Variants in DCBLD1 observed in about 807,000 individuals in gnomAD.
DCBLD1 encodes discoidin, CUB and LCCL domain containing 1, also known as discoidin, CUB and LCCL domain-containing protein 1.
A neutral mutation model predicts 71.5 loss-of-function variants in DCBLD1; 57 were observed. The ratio of observed to expected loss-of-function variants is 0.80; its 90% CI spans 0.64 to 0.99. The LOEUF is 0.99. DCBLD1 is among the 50% of genes least tolerant of loss of function. The probability of loss-of-function intolerance (pLI) is 0.00; values close to 1 mark genes in which losing one functional copy is unlikely to be tolerated. For missense variants in DCBLD1, 891 were observed against 923.5 expected (o/e 0.96, Z 0.46); for synonymous variants, 380 against 363.8 (o/e 1.04, Z -0.51).
Position 117,537,224 on chromosome 6 carries a change from T to A in DCBLD1, c.759T>A (p.Asn253Lys), listed in dbSNP as rs1307004933. Residue 253 changes from asparagine (N) to lysine (K), a missense_variant and splice_region_variant, in exon 7 of 15, where the codon AAT (asparagine) becomes AAA (lysine). Physicochemically the swap from Asn to Lys is moderately conservative, Grantham distance 94 (BLOSUM62 0). Transcript: ENST00000338728. ...LSDKRFLFTS[N>K]GCSRSLSFEP... The stretch of plus-strand genomic sequence containing the variant: ...ACAAGCGATTTCTGTTTACCTCCAA[T>A]GGTAAGGATCATGCTTTCCTTAAGA... 2 of 1,613,762 alleles carry A rather than the reference T, an allele frequency of 1.2e-6. No individual in the cohort carries two copies. Among genetic ancestry groups the A allele is most frequent in the Non-Finnish European group, 1.7e-6 (2 of 1,179,810 alleles).
chr6:117,500,429 A>G lies in DCBLD1; in HGVS notation c.113-3338A>G, dbSNP rs570914989. Among the ~76,000 whole-genome samples, 10 of 152,356 alleles carry G rather than the reference A, an allele frequency of 6.6e-5. No homozygotes were observed. The East Asian group carries it at 1.9e-3, about 29-fold the overall frequency. ...AAGAGAGAAATTTTCCCAAGGAGGT[A>G]GAGATCCCCAGGCAAAGTAACGATG... On this transcript the variant is annotated intron_variant, in intron 1 of 14. Transcript: ENST00000338728.
chr6:117,537,402 G>T lies in DCBLD1; in HGVS notation c.760+177G>T, dbSNP rs529061959. 2.4e-4 allele frequency among the ~76,000 whole-genome samples: 36 copies of T among 151,820 alleles called. No homozygotes were observed. The highest frequency in any genetic ancestry group is 7.8e-4 in the East Asian group (4 of 5,160). ...ACAAAAAATTAGCCGGGCCTGGTGG[G>T]GGGCGCCTGTAGTCCCAGCTTCTCG... On this transcript the variant is annotated intron_variant, in intron 7 of 14. Transcript: ENST00000338728.
intron 14 of DCBLD1, 181 bp from the exon 15 acceptor site, chr6:117,547,726 G>T (rs1264076471): frequency 7.5e-7 from 1 of 1,332,086 alleles, no homozygotes; most frequent in Non-Finnish European, 1.1e-6. Flanking sequence ...GTGCGGTTGT[G>T]TACTGCCTGC....
chr6:117,518,714 G>C (rs1562445721), intron 2 of DCBLD1, among the ~76,000 whole-genome samples: 1 of 152,066 alleles, frequency 6.6e-6, no homozygotes, highest in Non-Finnish European at 1.5e-5. Context: ...AAAACCATCA[G>C]ATCTCATGAG....
chr6:117,533,574 T>C (rs1188844762), intron 6 of DCBLD1, among the ~76,000 whole-genome samples: 1 of 152,234 alleles, frequency 6.6e-6, no homozygotes, highest in African/African-American at 2.4e-5. Flanking sequence ...ATAGGTATCC[T>C]GACCACAAGT....
Position 117,514,573 on chromosome 6 carries a change from CAGAG to C in DCBLD1, c.326-5241_326-5238del, listed in dbSNP as rs1406607797. On this transcript the variant is annotated intron_variant, in intron 2 of 14. Transcript: ENST00000338728. ...CGCCACTGCACTCCAACATGGGTGA[CAGAG>C]AAAGACCCTGTCTCAAAAAAAAAAA... 8.8e-4 allele frequency among the ~76,000 whole-genome samples: 125 copies of C among 141,774 alleles called. 1 individual carries two copies. Among genetic ancestry groups the C allele is most frequent in the African/African-American group, 3.2e-3 (121 of 37,616 alleles). 93.0% of individuals were successfully genotyped at this position (141,774 alleles called of 152,430 possible).
At chr6:117,498,303 G>A (rs2114401826) in intron 1 of DCBLD1, among the ~76,000 whole-genome samples, 1 of 152,310 alleles carries the variant, frequency 6.6e-6, no homozygotes, top group Admixed American at 6.5e-5. Flanking sequence ...CCATTACAGA[G>A]AGACCACCCT....
chr6:117,557,832 TGCTA>T (rs1317160535), intron 14 of DCBLD1, among the ~76,000 whole-genome samples: 5 of 152,232 alleles, frequency 3.3e-5, no homozygotes, highest in Non-Finnish European at 7.3e-5. Context: ...TGCCAGAATG[TGCTA>T]GCTAATTCTT....
At chr6:117,535,290 A>G (rs2114532889) in intron 6 of DCBLD1, among the ~76,000 whole-genome samples, 1 of 152,320 alleles carries the variant, frequency 6.6e-6, no homozygotes, top group South Asian at 2.1e-4. Context: ...GACCTCATAC[A>G]GAGGACGATG....
chr6:117,493,641 G>A (rs1326910122), intron 1 of DCBLD1, among the ~76,000 whole-genome samples: 1 of 152,114 alleles, frequency 6.6e-6, no homozygotes, highest in Non-Finnish European at 1.5e-5. Flanking sequence ...CTTAAATATC[G>A]CTACCTCAGT....
chr6:117,554,606 A>G (rs1779472667), downstream of DCBLD1, among the ~76,000 whole-genome samples: 1 of 152,200 alleles, frequency 6.6e-6, no homozygotes, highest in Non-Finnish European at 1.5e-5. Flanking sequence ...ATTAATATTC[A>G]TTTGTGGGCC....
At chr6:117,551,368 T>C (rs1311571196), downstream of DCBLD1, among the ~76,000 whole-genome samples, 276 of 10,284 alleles carry the variant, frequency 0.027, no homozygotes, top group Non-Finnish European at 0.035. Flanking sequence ...TATTTCCATT[T>C]ATTTATTTAT....
downstream of DCBLD1, among the ~76,000 whole-genome samples, chr6:117,551,131 A>AAAT (rs1466296215): frequency 2.6e-5 from 4 of 152,120 alleles, no homozygotes; most frequent in Admixed American, 2.6e-4. Flanking sequence ...TAGGGGCTTT[A>AAAT]AAGGTTTTTA....
intron 2 of DCBLD1, among the ~76,000 whole-genome samples, chr6:117,507,758 ATGTC>A (rs1474793198): frequency 2.6e-5 from 4 of 152,178 alleles, no homozygotes; most frequent in South Asian, 2.1e-4. Flanking sequence ...ATTTTACAGA[ATGTC>A]TGTCAGTTGA....
intron 3 of DCBLD1, 151 bp downstream of exon 3, chr6:117,520,101 A>G (rs1208203533): frequency 1.6e-6 from 2 of 1,275,952 alleles, no homozygotes; most frequent in Non-Finnish European, 2.1e-6. Flanking sequence ...GTAAATGGTT[A>G]GGTCTGAACT....
intron 5 of DCBLD1, among the ~76,000 whole-genome samples, chr6:117,531,229 C>T (rs529304444): frequency 1.6e-4 from 25 of 152,184 alleles, no homozygotes; most frequent in Non-Finnish European, 3.1e-4. Context: ...ATTCTTGAGT[C>T]CAGTTACTGA....
chr6:117,484,709 C>A (rs1295484745), intron 1 of DCBLD1, among the ~76,000 whole-genome samples: 1 of 152,134 alleles, frequency 6.6e-6, no homozygotes, highest in Non-Finnish European at 1.5e-5. Context: ...ATGCTACCAT[C>A]TGTGTTATAG....
intron 14 of DCBLD1, among the ~76,000 whole-genome samples, chr6:117,557,123 G>C (rs1340321561): frequency 6.6e-6 from 1 of 152,054 alleles, no homozygotes; most frequent in African/African-American, 2.4e-5. Flanking sequence ...CAAGCTTGTT[G>C]TTCAAATCTT....
intron 8 of DCBLD1, 80 bp downstream of exon 8, chr6:117,538,915 G>GT (rs764604372): frequency 7.2e-7 from 1 of 1,379,698 alleles, no homozygotes; most frequent in East Asian, 2.5e-5. Context: ...TACGCTTATT[G>GT]TTTACATAGG....
Sources: allele counts gnomAD v4.1 joint callset (sites outside exome capture counted in the v4.1 genomes callset), GRCh38; gene constraint gnomAD v4.1.1; transcripts MANE v1.5; gene names NCBI Gene and HGNC (gene_info 2026-07-23, HGNC 2026-07-21).